The following GLIS3 variants were observed in gnomAD, a reference collection of about 807,000 sequenced individuals.
GLIS3 encodes the protein zinc finger protein GLIS3.
GLIS3 carries 53 observed loss-of-function variants against 78.6 expected under a neutral mutation model. The ratio of observed to expected loss-of-function variants is 0.67; its 90% CI spans 0.54 to 0.85. The LOEUF is 0.85. GLIS3 is among the 40% of genes least tolerant of loss of function. The pLI is 0.00. For missense variants in GLIS3, 1,703 were observed against 1,231.1 expected, an observed-to-expected ratio of 1.38 and a Z score of -5.74; for synonymous variants, 684 against 509.9, an observed-to-expected ratio of 1.34 and a Z score of -4.60.
At chr9:4,170,078 T>C (rs1816241384) in intron 2 of GLIS3, among the ~76,000 whole-genome samples, 2 of 152,134 alleles carry the variant, frequency 1.3e-5, no homozygotes, top group Non-Finnish European at 2.9e-5. Context: ...CCTTAAACCA[T>C]ATGGAGAAAA....
At chr9:4,446,501 CA>C in the GLIS3 span, among the ~76,000 whole-genome samples, 37 of 147,668 alleles carry the variant, frequency 2.5e-4, no homozygotes, top group Non-Finnish European at 4.6e-4. Flanking sequence ...GGAAAATATC[CA>C]AATTTTTTTT....
At chr9:4,261,653 A>C (rs1825539771) in intron 2 of GLIS3, among the ~76,000 whole-genome samples, 1 of 152,170 alleles carries the variant, frequency 6.6e-6, no homozygotes, top group Non-Finnish European at 1.5e-5. Context: ...CCCTGAGCGA[A>C]TGGATGGAGC....
chr9:4,403,706 A>G, the GLIS3 span, among the ~76,000 whole-genome samples: 1 of 152,190 alleles, frequency 6.6e-6, no homozygotes, highest in African/African-American at 2.4e-5. Context: ...TAACCTCAAA[A>G]CAAAAACATA....
chr9:4,326,811 T>C (rs1179020435), intron 2 of GLIS3, among the ~76,000 whole-genome samples: 1 of 151,906 alleles, frequency 6.6e-6, no homozygotes. Flanking sequence ...GAAAGGTAGG[T>C]TTGGGGCTGG....
the GLIS3 span, among the ~76,000 whole-genome samples, chr9:4,404,172 T>G: frequency 6.6e-6 from 1 of 152,106 alleles, no homozygotes; most frequent in East Asian, 1.9e-4. Flanking sequence ...GCAAGAGGAT[T>G]CAATTGTAAA....
chr9:4,310,385 A>C (rs1817330538), intron 3 of GLIS3: 1 of 152,146 alleles, frequency 6.6e-6, no homozygotes, highest in Admixed American at 6.5e-5. Flanking sequence ...GGATAAAGAA[A>C]ATTTCAGAAA....
intron 4 of GLIS3, among the ~76,000 whole-genome samples, chr9:4,100,694 G>A (rs939591516): frequency 6.6e-5 from 10 of 152,020 alleles, no homozygotes; most frequent in Admixed American, 2.6e-4. Context: ...TAGTAGTATA[G>A]AATTATCTAG....
intron 4 of GLIS3, among the ~76,000 whole-genome samples, chr9:3,957,447 A>G (rs1817202830): frequency 1.3e-5 from 2 of 152,186 alleles, no homozygotes; most frequent in African/African-American, 4.8e-5. Context: ...CAAAGACTCA[A>G]ACTACAGGGA....
intron 9 of GLIS3, among the ~76,000 whole-genome samples, chr9:3,851,445 C>T (rs929715287): frequency 5.3e-5 from 8 of 152,186 alleles, no homozygotes; most frequent in African/African-American, 1.9e-4. Flanking sequence ...GGAAATTATA[C>T]CTCATTCCCT....
At chr9:3,907,605 A>AACAC (rs1041005940) in intron 6 of GLIS3, among the ~76,000 whole-genome samples, 7,955 of 92,132 alleles carry the variant, frequency 0.086, 508 homozygotes, top group African/African-American at 0.1. Flanking sequence ...CCACCCCCCA[A>AACAC]ACACACACAC....
At chr9:4,271,970 T>G (rs4741933) in intron 2 of GLIS3, among the ~76,000 whole-genome samples, 2 of 151,872 alleles carry the variant, frequency 1.3e-5, no homozygotes, top group East Asian at 3.9e-4. Context: ...ATGCAGGGGA[T>G]CCATAAAATT....
chr9:4,399,922 T>C, the GLIS3 span, among the ~76,000 whole-genome samples: 9 of 152,084 alleles, frequency 5.9e-5, no homozygotes, highest in African/African-American at 1.9e-4. Context: ...AGAGGTGAGA[T>C]ACTACGTGGT....
At chr9:4,084,981 C>G (rs117746374) in intron 4 of GLIS3, among the ~76,000 whole-genome samples, 1 of 143,622 alleles carries the variant, frequency 7.0e-6, no homozygotes, top group Non-Finnish European at 1.5e-5. Flanking sequence ...TTACAAACAA[C>G]GCAATGCAAA....
chr9:4,362,562 A>C, the GLIS3 span, among the ~76,000 whole-genome samples: 1 of 152,188 alleles, frequency 6.6e-6, no homozygotes, highest in Non-Finnish European at 1.5e-5. Context: ...TTTATGATGA[A>C]TTTCCCTCAA....
At chr9:4,228,198 CA>C (rs59507597) in intron 2 of GLIS3, among the ~76,000 whole-genome samples, 35,123 of 106,752 alleles carry the variant, frequency 0.33, 4,698 homozygotes, top group South Asian at 0.49. Flanking sequence ...TCTAAGGTGG[CA>C]AAAAAAAAAA....
chr9:4,184,067 A>G (rs1817562982), intron 2 of GLIS3, among the ~76,000 whole-genome samples: 1 of 152,226 alleles, frequency 6.6e-6, no homozygotes. Flanking sequence ...AGAAACAAGC[A>G]CTGAAAAAAA....
At chr9:3,942,504 C>G (rs1288682827) in intron 4 of GLIS3, among the ~76,000 whole-genome samples, 1 of 152,204 alleles carries the variant, frequency 6.6e-6, no homozygotes, top group East Asian at 1.9e-4. Flanking sequence ...TTCAAGTCCA[C>G]TTGAATCAAG....
intron 4 of GLIS3, among the ~76,000 whole-genome samples, chr9:4,025,682 G>C (rs1823276697): frequency 6.6e-6 from 1 of 152,082 alleles, no homozygotes; most frequent in African/African-American, 2.4e-5. Flanking sequence ...CACTGTGCCT[G>C]GCCTGGCCCA....
chr9:4,200,584 A>G (rs896352942), intron 2 of GLIS3, among the ~76,000 whole-genome samples: 1 of 152,188 alleles, frequency 6.6e-6, no homozygotes, highest in Non-Finnish European at 1.5e-5. Context: ...CTGGAAACAC[A>G]CAATCTGCCA....
Sources: allele counts gnomAD v4.1 joint callset (sites outside exome capture counted in the v4.1 genomes callset), GRCh38; gene constraint gnomAD v4.1.1; transcripts MANE v1.5; gene names NCBI Gene and HGNC (gene_info 2026-07-23, HGNC 2026-07-21).